The following ARHGAP6 variants were observed in gnomAD, a reference collection of about 807,000 sequenced individuals.
ARHGAP6 encodes rho GTPase-activating protein 6.
In ARHGAP6, 16 loss-of-function variants were observed where a neutral mutation model predicts 55.7. That is an observed-to-expected ratio of 0.29 (90% CI 0.19 to 0.44). The LOEUF (loss-of-function observed/expected upper bound fraction) is 0.44. Ranked by LOEUF, ARHGAP6 falls within the 20% of genes least tolerant of loss-of-function variation. The pLI is 1.00. For missense variants in ARHGAP6, 698 were observed against 808.9 expected, an observed-to-expected ratio of 0.86 and a Z score of 1.66; for synonymous variants, 382 against 360.9, an observed-to-expected ratio of 1.06 and a Z score of -0.66.
Position 11,664,627 on chromosome X carries a change from G to C in ARHGAP6, c.202C>G (p.Pro68Ala), listed in dbSNP as rs2052735985. The C allele has an allele frequency of 1.7e-6, 2 of 1,164,441 alleles. No homozygotes were observed. The highest frequency in any genetic ancestry group is 2.3e-6 in the Non-Finnish European group (2 of 871,665). ...CCGAGACTCTCGGCTGGGAGTGATG[G>C]GGAGTAGAGGCGGCCCGCCGTGGCT... The part of the protein sequence containing the change: ...RGATAGRLYS[P>A]SLPAESLGPR... Residue 68 changes from proline (P) to alanine (A), a missense_variant, in exon 1 of 13, where the codon CCA (proline) becomes GCA (alanine). By Grantham distance (27) the Pro-to-Ala change is conservative. Transcript: ENST00000337414.
chrX:11,251,199 C>T (rs763113264), intron 2 of ARHGAP6, among the ~76,000 whole-genome samples: 5 of 111,715 alleles, frequency 4.5e-5, no homozygotes, highest in African/African-American at 9.8e-5. Flanking sequence ...GCCATCCTCA[C>T]GCCTAGTGGA....
rs185736598 is a variant in ARHGAP6, at chrX:11,190,603, T to G, written c.821-1619A>C. Reference sequence around the variant, plus strand: ...AAAAGGTTGGAAGAGTCTGGAAACATGTGGATGGTAAGGCTGACAGCTACA... The same window carrying G: ...AAAAGGTTGGAAGAGTCTGGAAACAGGTGGATGGTAAGGCTGACAGCTACA... On this transcript the variant is annotated intron_variant, in intron 3 of 12. Transcript: ENST00000337414. Among the ~76,000 whole-genome samples the G allele has an allele frequency of 5.7e-4, 62 of 109,220 alleles. 1 individual carries two copies. The highest frequency in any genetic ancestry group is 1.7e-3 in the African/African-American group (52 of 29,983). The allele number at this position is 109,220 out of a possible 115,157, so 94.8% of individuals were successfully genotyped here.
At chrX:11,587,841 T>C (rs1201806254) in intron 1 of ARHGAP6, among the ~76,000 whole-genome samples, 25 of 111,952 alleles carry the variant, frequency 2.2e-4, no homozygotes, top group Admixed American at 2.2e-3. Flanking sequence ...TAAAAATCTA[T>C]GGGCCATAGG....
At chrX:11,480,180 C>T (rs181843184) in intron 1 of ARHGAP6, among the ~76,000 whole-genome samples, 52 of 111,281 alleles carry the variant, frequency 4.7e-4, no homozygotes, top group Admixed American at 3.5e-3. Flanking sequence ...TCATAATAGC[C>T]CAAAACTGAA....
chrX:11,272,384 C>G (rs924046994), intron 1 of ARHGAP6, among the ~76,000 whole-genome samples: 1 of 110,805 alleles, frequency 9.0e-6, no homozygotes, highest in African/African-American at 3.3e-5. Context: ...CTTAATGAAA[C>G]TATCAGGGAA....
At chrX:11,346,295 A>G (rs2048783287) in intron 1 of ARHGAP6, among the ~76,000 whole-genome samples, 1 of 111,886 alleles carries the variant, frequency 8.9e-6, no homozygotes, top group African/African-American at 3.3e-5. Flanking sequence ...ATTCGTTTGC[A>G]TATTATCTAT....
At chrX:11,333,193 TCCCA>T (rs2048583022) in intron 1 of ARHGAP6, among the ~76,000 whole-genome samples, 1 of 111,996 alleles carries the variant, frequency 8.9e-6, no homozygotes, top group Non-Finnish European at 1.9e-5. Flanking sequence ...TTGGCTGTGT[TCCCA>T]CCCAAATCTC....
intron 1 of ARHGAP6, among the ~76,000 whole-genome samples, chrX:11,478,853 A>C (rs1407284295): frequency 8.9e-6 from 1 of 111,893 alleles, no homozygotes; most frequent in East Asian, 2.8e-4. Flanking sequence ...GCAAAGTGAC[A>C]CAGAGCTCTA....
intron 1 of ARHGAP6, among the ~76,000 whole-genome samples, chrX:11,642,999 C>T (rs1300548076): frequency 9.0e-6 from 1 of 111,288 alleles, no homozygotes; most frequent in Non-Finnish European, 1.9e-5. Context: ...TTTTTGTGAA[C>T]AACTCATTTG....
chrX:11,214,366 T>G (rs2046847825), intron 2 of ARHGAP6, among the ~76,000 whole-genome samples: 1 of 110,805 alleles, frequency 9.0e-6, no homozygotes, highest in African/African-American at 3.3e-5. Context: ...AAAAGCACAA[T>G]CCATTGATAA....
At chrX:11,616,364 T>C (rs1015218909) in intron 1 of ARHGAP6, among the ~76,000 whole-genome samples, 1 of 110,953 alleles carries the variant, frequency 9.0e-6, no homozygotes. Context: ...TCTTGTTCTG[T>C]TGCCCATGCT....
Position 11,573,078 on chromosome X carries a change from A to G in ARHGAP6, c.588+91163T>C, listed in dbSNP as rs1205901801. ...TTGTTTGAGTTCATTGTAGATTCTG[A>G]ATATTAGCCCTTTGTCAGATGAGTA... On this transcript the variant is annotated intron_variant, in intron 1 of 12. Transcript: ENST00000337414. Among the ~76,000 whole-genome samples the G allele has an allele frequency of 6.3e-5, 7 of 111,137 alleles. No homozygotes were observed. In the East Asian group the frequency reaches 1.1e-3, roughly 18 times the overall value.
chrX:11,581,841 G>C (rs2051670162), intron 1 of ARHGAP6, among the ~76,000 whole-genome samples: 1 of 110,780 alleles, frequency 9.0e-6, no homozygotes, highest in African/African-American at 3.3e-5. Context: ...TTCTAAAATT[G>C]ATTGTGGTGA....
chrX:11,599,464 T>G (rs1007292017), intron 1 of ARHGAP6, among the ~76,000 whole-genome samples: 6 of 112,105 alleles, frequency 5.4e-5, no homozygotes, highest in African/African-American at 1.3e-4. Context: ...GTAACAATAC[T>G]CAAAAATCTA....
chrX:11,491,328 G>A (rs2050564717), intron 1 of ARHGAP6, among the ~76,000 whole-genome samples: 2 of 110,735 alleles, frequency 1.8e-5, no homozygotes, highest in Admixed American at 1.9e-4. Flanking sequence ...CCGTCATTTA[G>A]CATTAGGTAT....
chrX:11,278,549 A>G (rs1239983413), intron 1 of ARHGAP6, among the ~76,000 whole-genome samples: 2 of 111,932 alleles, frequency 1.8e-5, no homozygotes, highest in Non-Finnish European at 3.8e-5. Context: ...ACTTTAAGAT[A>G]ATAAATGTGT....
chrX:11,361,443 C>T (rs2049009479), intron 1 of ARHGAP6, among the ~76,000 whole-genome samples: 1 of 111,360 alleles, frequency 9.0e-6, no homozygotes, highest in Non-Finnish European at 1.9e-5. Flanking sequence ...GGAAAACTGG[C>T]TAGCCATATG....
chrX:11,574,321 C>T (rs1342472892), intron 1 of ARHGAP6, among the ~76,000 whole-genome samples: 1 of 110,709 alleles, frequency 9.0e-6, no homozygotes, highest in African/African-American at 3.3e-5. Flanking sequence ...ATGCAAAAAT[C>T]CTCAATAAAA....
intron 1 of ARHGAP6, among the ~76,000 whole-genome samples, chrX:11,574,230 C>G (rs138199391): frequency 1.8e-5 from 2 of 111,218 alleles, no homozygotes; most frequent in African/African-American, 6.6e-5. Flanking sequence ...TTTTATGAGG[C>G]CAGCAGCATC....
Sources: gnomAD v4.1 joint callset for allele counts (sites outside exome capture counted in the v4.1 genomes callset) on GRCh38, gnomAD v4.1.1 for gene constraint, MANE v1.5 for transcripts, NCBI Gene and HGNC (gene_info 2026-07-23, HGNC 2026-07-21) for gene names.